The following OLAH variants were observed in gnomAD, a reference collection of about 807,000 sequenced individuals.
The protein encoded by OLAH is oleoyl-ACP hydrolase, also known as S-acyl fatty acid synthase thioesterase, medium chain.
In OLAH, 33 loss-of-function variants were observed where a neutral mutation model predicts 27.8. The ratio of observed to expected loss-of-function variants is 1.19; its 90% CI spans 0.90 to 1.59. The LOEUF (loss-of-function observed/expected upper bound fraction) is 1.59, where lower values mean the gene tolerates loss of function less well. Among genes scored for constraint, OLAH ranks in the 40% most tolerant of loss-of-function variants. The pLI is 0.00. For missense variants in OLAH, 359 were observed against 310.8 expected, an observed-to-expected ratio of 1.16 and a Z score of -1.17; for synonymous variants, 120 against 102.9, an observed-to-expected ratio of 1.17 and a Z score of -1.01.
At chr10:15,050,634 G>A (rs1008238922) in intron 3 of OLAH, among the ~76,000 whole-genome samples, 6 of 147,292 alleles carry the variant, frequency 4.1e-5, no homozygotes, top group East Asian at 2.1e-4. Flanking sequence ...CTCCGCTTCC[G>A]GGTTCACACC....
upstream of OLAH, among the ~76,000 whole-genome samples, chr10:15,039,188 T>C (rs1037512010): frequency 2.0e-5 from 3 of 151,990 alleles, no homozygotes; most frequent in East Asian, 5.8e-4. Flanking sequence ...ATAGCACCCC[T>C]GCACGCCAGT....
intron 2 of OLAH, 22 bp from the exon 3 acceptor site, chr10:15,049,613 T>C: frequency 6.6e-7 from 1 of 1,507,376 alleles, no homozygotes; most frequent in Non-Finnish European, 9.0e-7. Flanking sequence ...TAATGTTAAA[T>C]ATATTTGAAT....
intron 2 of OLAH, among the ~76,000 whole-genome samples, chr10:15,048,197 C>T (rs1050419508): frequency 6.6e-6 from 1 of 152,012 alleles, no homozygotes; most frequent in African/African-American, 2.4e-5. Flanking sequence ...GATAAAATTC[C>T]GGTGACATTA....
At chr10:15,064,567 C>G in intron 5 of OLAH, 65 bp downstream of exon 5, 1 of 890,814 alleles carries the variant, frequency 1.1e-6, no homozygotes, top group Non-Finnish European at 1.7e-6. Context: ...TAAAAATAAG[C>G]CATTATTTCT....
At chr10:15,042,029 T>C (rs1843927998), upstream of OLAH, among the ~76,000 whole-genome samples, 2 of 151,976 alleles carry the variant, frequency 1.3e-5, no homozygotes, top group Admixed American at 1.3e-4. Flanking sequence ...CAGGACTCTA[T>C]CCTACACTCT....
chr10:15,053,350 T>C (rs914064208), intron 3 of OLAH, among the ~76,000 whole-genome samples: 1 of 152,184 alleles, frequency 6.6e-6, no homozygotes, highest in African/African-American at 2.4e-5. Flanking sequence ...AGCAGCTTCC[T>C]GATAGGATTT....
At chr10:15,033,769 G>C (rs547973633) in intron 1 of OLAH, among the ~76,000 whole-genome samples, 3 of 152,224 alleles carry the variant, frequency 2.0e-5, no homozygotes, top group South Asian at 2.1e-4. Context: ...AGGGCAAAAA[G>C]AGAGAGGGCA....
At chr10:15,057,689 G>C (rs1419544914) in intron 3 of OLAH, among the ~76,000 whole-genome samples, 4 of 151,982 alleles carry the variant, frequency 2.6e-5, no homozygotes, top group African/African-American at 9.7e-5. Flanking sequence ...CCTGGGCCGG[G>C]TTCTCTATTC....
intron 1 of OLAH, among the ~76,000 whole-genome samples, chr10:15,035,929 G>A (rs1198056385): frequency 1.3e-5 from 2 of 151,946 alleles, no homozygotes; most frequent in African/African-American, 4.8e-5. Flanking sequence ...CACCAATCTC[G>A]CGAGGCAGCT....
chr10:15,056,974 T>A (rs1378122795), intron 3 of OLAH: 6 of 1,424,260 alleles, frequency 4.2e-6, no homozygotes, highest in Non-Finnish European at 9.3e-7. Flanking sequence ...TGGATTCTAA[T>A]TTTTTTTAGT....
At chr10:15,042,285 G>T (rs770154870), upstream of OLAH, among the ~76,000 whole-genome samples, 1 of 151,970 alleles carries the variant, frequency 6.6e-6, no homozygotes, top group Admixed American at 6.6e-5. Context: ...CCAAGTAGCT[G>T]GGATTACAGG....
At chr10:15,051,080 T>TTA (rs1554813739) in intron 3 of OLAH, among the ~76,000 whole-genome samples, 12 of 88,296 alleles carry the variant, frequency 1.4e-4, no homozygotes, top group African/African-American at 4.7e-4. Flanking sequence ...TTATTATTAT[T>TTA]TTTTTTTTTT....
chr10:15,040,753 T>A (rs1220945168), upstream of OLAH, among the ~76,000 whole-genome samples: 1 of 152,214 alleles, frequency 6.6e-6, no homozygotes, highest in Non-Finnish European at 1.5e-5. Context: ...AGGATGCAAC[T>A]GTGAACAAAA....
intron 1 of OLAH, among the ~76,000 whole-genome samples, chr10:15,035,985 C>T (rs971298506): frequency 6.6e-6 from 1 of 152,078 alleles, no homozygotes; most frequent in Non-Finnish European, 1.5e-5. Flanking sequence ...CCATGGCCTC[C>T]CAGGGGCTGA....
chr10:15,046,067 C>T (rs1259302447), intron 1 of OLAH, among the ~76,000 whole-genome samples: 2 of 150,686 alleles, frequency 1.3e-5, no homozygotes, highest in African/African-American at 2.4e-5. Context: ...CAGATCTGGC[C>T]GGGTGTGGTG....
At chr10:15,068,830 C>G (rs1589253813) in intron 6 of OLAH, among the ~76,000 whole-genome samples, 2 of 152,306 alleles carry the variant, frequency 1.3e-5, no homozygotes, top group South Asian at 4.1e-4. Flanking sequence ...TTAGTCTAGA[C>G]TGGGCTTGAG....
At chr10:15,033,953 A>G (rs1843797731) in intron 1 of OLAH, among the ~76,000 whole-genome samples, 1 of 152,116 alleles carries the variant, frequency 6.6e-6, no homozygotes, top group South Asian at 2.1e-4. Flanking sequence ...GTAGGGAGAA[A>G]GGAAGGAAGA....
chr10:15,049,950 G>C (rs1031904860), intron 3 of OLAH, among the ~76,000 whole-genome samples, 185 bp downstream of exon 3: 1 of 152,080 alleles, frequency 6.6e-6, no homozygotes, highest in Non-Finnish European at 1.5e-5. Context: ...TGTTTTTATC[G>C]TTAGAGCTAG....
chr10:15,045,350 A>C (rs1843994971), intron 1 of OLAH, among the ~76,000 whole-genome samples: 1 of 152,212 alleles, frequency 6.6e-6, no homozygotes, highest in Non-Finnish European at 1.5e-5. Flanking sequence ...AACAACTTTT[A>C]ATTGTCAACA....
Sources: allele counts gnomAD v4.1 joint callset (sites outside exome capture counted in the v4.1 genomes callset), GRCh38; gene constraint gnomAD v4.1.1; transcripts MANE v1.5; gene names NCBI Gene and HGNC (gene_info 2026-07-23, HGNC 2026-07-21).